Variants in WWP2 observed in about 807,000 individuals in gnomAD.
The protein encoded by WWP2 is WW domain containing E3 ubiquitin protein ligase 2.
WWP2 carries 57 observed loss-of-function variants against 121.0 expected under a neutral mutation model. The observed-to-expected ratio is 0.47, with a 90% CI of 0.38 to 0.59. The LOEUF (loss-of-function observed/expected upper bound fraction) is 0.59. Among genes scored for constraint, WWP2 ranks in the 20% least tolerant of loss-of-function variants. The pLI is 0.00. For missense variants in WWP2, 962 were observed against 1,158.9 expected (o/e 0.83, Z 2.47); for synonymous variants, 449 against 441.3 (o/e 1.02, Z -0.22).
chr16:69,912,851 G>A (rs1309399294), intron 9 of WWP2, among the ~76,000 whole-genome samples: 1 of 140,616 alleles, frequency 7.1e-6, no homozygotes, highest in Admixed American at 7.5e-5. Context: ...AGAGGCCAAG[G>A]TGGGAGGATC....
At chr16:69,804,713 C>T (rs922857030) in intron 4 of WWP2, among the ~76,000 whole-genome samples, 2 of 152,090 alleles carry the variant, frequency 1.3e-5, no homozygotes, top group African/African-American at 2.4e-5. Context: ...TCTTCCTACT[C>T]CCCATGCCCC....
intron 14 of WWP2, 21 bp from the exon 15 acceptor site, chr16:69,931,488 C>G (rs972878896): frequency 3.7e-6 from 6 of 1,610,770 alleles, no homozygotes; most frequent in Non-Finnish European, 5.1e-6. Context: ...ATTTAAAGTT[C>G]TTTTCTTTTT....
In WWP2 at chr16:69,939,909, T is replaced by C. The variant is rs542326585; in HGVS notation, c.2582T>C (p.Ile861Thr). The C allele has an allele frequency of 1.9e-6, 3 of 1,613,936 alleles. No homozygotes were observed. Among genetic ancestry groups the C allele is most frequent in the African/African-American group, 1.3e-5 (1 of 75,038 alleles). The stretch of plus-strand genomic sequence containing the variant: ...CTGAGAGAGAAGCTGCTGTATGCCA[T>C]TGAGGAGACCGAGGGCTTTGGACAG... ...EQLREKLLYAIEETEGFGQE is the reference protein window; with the variant it reads ...EQLREKLLYATEETEGFGQE The change falls in exon 24 of 24, where the codon ATT becomes ACT. Residue 861 changes from isoleucine (I) to threonine (T), a missense_variant. Transcript: ENST00000359154.
At chr16:69,917,943 G>A in intron 10 of WWP2, 60 bp downstream of exon 10, 2 of 1,413,016 alleles carry the variant, frequency 1.4e-6, no homozygotes, top group Non-Finnish European at 1.9e-6. Flanking sequence ...CGAATGTGCA[G>A]CCACGTGTTC....
At chr16:69,879,235 C>T (rs2057783931) in intron 7 of WWP2, among the ~76,000 whole-genome samples, 1 of 152,072 alleles carries the variant, frequency 6.6e-6, no homozygotes, top group Admixed American at 6.6e-5. Flanking sequence ...ATGAAATTTA[C>T]CATTTAAACC....
At chr16:69,923,190 G>A (rs1461148863) in intron 10 of WWP2, among the ~76,000 whole-genome samples, 2 of 151,710 alleles carry the variant, frequency 1.3e-5, no homozygotes, top group Non-Finnish European at 2.9e-5. Context: ...GCACCCGGCC[G>A]CCATGACTCC....
At chr16:69,828,212 A>G (rs1469680794) in intron 4 of WWP2, among the ~76,000 whole-genome samples, 1 of 151,726 alleles carries the variant, frequency 6.6e-6, no homozygotes, top group South Asian at 2.1e-4. Context: ...TGCCCAATCC[A>G]CCTTCCTTTC....
intron 13 of WWP2, 70 bp from the exon 14 acceptor site, chr16:69,931,082 G>A: frequency 6.7e-7 from 1 of 1,492,714 alleles, no homozygotes; most frequent in South Asian, 1.1e-5. Flanking sequence ...CTTTCCTTAG[G>A]GCTGACAAAG....
intron 8 of WWP2, among the ~76,000 whole-genome samples, chr16:69,901,418 T>C (rs2058201786): frequency 6.6e-6 from 1 of 152,154 alleles, no homozygotes; most frequent in Non-Finnish European, 1.5e-5. Context: ...TGTGGTCTTA[T>C]TTCCTTTTCT....
At position 69,903,321 on chromosome 16, in the gene WWP2, T is replaced by A. The variant is rs2058234069; in HGVS notation, c.915-5440T>A. On this transcript the variant is annotated intron_variant, in intron 8 of 23. Coordinates refer to ENST00000359154, the MANE Select transcript of WWP2 (RefSeq NM_001270454.2). Reference sequence around the variant, plus strand: ...TACCACTGTGTCAATTACAGACATTTATTTCATGGAATTTGAAGCATTAGC... The same window carrying A: ...TACCACTGTGTCAATTACAGACATTAATTTCATGGAATTTGAAGCATTAGC... 2.6e-5 allele frequency among the ~76,000 whole-genome samples: 4 copies of A among 152,224 alleles called. No individual in the cohort carries two copies. The South Asian group carries it at 8.3e-4, about 31-fold the overall frequency.
At chr16:69,882,351 ATTTCT>A (rs1231854591) in intron 7 of WWP2, among the ~76,000 whole-genome samples, 1 of 151,948 alleles carries the variant, frequency 6.6e-6, no homozygotes, top group Non-Finnish European at 1.5e-5. Flanking sequence ...AATTTTTTTT[ATTTCT>A]TTTCTTTTCC....
chr16:69,926,655 G>A (rs2058644496), intron 11 of WWP2, among the ~76,000 whole-genome samples: 1 of 152,162 alleles, frequency 6.6e-6, no homozygotes, highest in Non-Finnish European at 1.5e-5. Flanking sequence ...CCTTCTGATT[G>A]GAGAGATCAT....
intron 4 of WWP2, among the ~76,000 whole-genome samples, chr16:69,813,224 G>A (rs376477766): frequency 4.6e-5 from 7 of 150,608 alleles, no homozygotes; most frequent in South Asian, 4.2e-4. Context: ...GTGCAATGGC[G>A]CGATCTTCGC....
intron 7 of WWP2, 81 bp downstream of exon 7, chr16:69,872,012 A>G: frequency 6.6e-7 from 1 of 1,521,116 alleles, no homozygotes. Context: ...GATCCTGCCC[A>G]CTGTGTCAGA....
At chr16:69,936,222 G>T in intron 18 of WWP2, 90 bp from the exon 19 acceptor site, 1 of 1,570,726 alleles carries the variant, frequency 6.4e-7, no homozygotes. Context: ...GCCACCTGTG[G>T]GCCCTTGGTG....
intron 1 of WWP2, among the ~76,000 whole-genome samples, chr16:69,772,203 C>T (rs1190243610): frequency 6.6e-6 from 1 of 152,068 alleles, no homozygotes; most frequent in African/African-American, 2.4e-5. Context: ...TTGGGTGATC[C>T]GCCTGCCTCG....
intron 6 of WWP2, among the ~76,000 whole-genome samples, chr16:69,870,800 G>A (rs1224854314): frequency 1.3e-5 from 2 of 152,176 alleles, no homozygotes; most frequent in Admixed American, 6.5e-5. Context: ...GAAGGACAGG[G>A]AGGCTTAGAC....
intron 4 of WWP2, among the ~76,000 whole-genome samples, chr16:69,802,241 G>T (rs1471684970): frequency 1.3e-5 from 2 of 152,066 alleles, no homozygotes; most frequent in Non-Finnish European, 2.9e-5. Flanking sequence ...TTTATTTTTA[G>T]TTGTGATAAA....
intron 6 of WWP2, among the ~76,000 whole-genome samples, chr16:69,852,853 A>G (rs182119225): frequency 1.3e-3 from 205 of 152,224 alleles, no homozygotes; most frequent in African/African-American, 4.7e-3. Flanking sequence ...TTATTTTCAT[A>G]TTGTCTGTGG....
Sources: allele counts gnomAD v4.1 joint callset (sites outside exome capture counted in the v4.1 genomes callset), GRCh38; gene constraint gnomAD v4.1.1; transcripts MANE v1.5; gene names NCBI Gene and HGNC (gene_info 2026-07-23, HGNC 2026-07-21).